ADH1A: variants seen among roughly 807,000 people sequenced by gnomAD.
The protein encoded by ADH1A is alcohol dehydrogenase 1A.
Under a neutral mutation model 35.2 loss-of-function variants are expected in ADH1A, and 29 were observed. That is an observed-to-expected ratio of 0.82 (90% CI 0.61 to 1.12). The LOEUF (loss-of-function observed/expected upper bound fraction) is 1.12, where lower values mean the gene tolerates loss of function less well. Ranked by LOEUF, ADH1A falls within the 50% of genes most tolerant of loss-of-function variation. The pLI, the probability that ADH1A is intolerant of heterozygous loss-of-function variation, is 0.00. For missense variants in ADH1A, 469 were observed against 464.7 expected, an observed-to-expected ratio of 1.01 and a Z score of -0.09; for synonymous variants, 147 against 164.8, an observed-to-expected ratio of 0.89 and a Z score of 0.83.
intron 6 of ADH1A, among the ~76,000 whole-genome samples, chr4:99,280,934 G>T (rs1732988278): frequency 6.6e-6 from 1 of 152,154 alleles, no homozygotes; most frequent in African/African-American, 2.4e-5. Flanking sequence ...TCTATAGTTA[G>T]AAAATGGTTT....
intron 8 of ADH1A, 139 bp from the exon 9 acceptor site, chr4:99,276,787 G>A: frequency 1.3e-6 from 1 of 770,500 alleles, no homozygotes; most frequent in Non-Finnish European, 2.2e-6. Flanking sequence ...TTCGGGTCAA[G>A]TGAAGTCAAA....
chr4:99,290,181 CA>C (rs1166541843), intron 1 of ADH1A, among the ~76,000 whole-genome samples: 1 of 152,098 alleles, frequency 6.6e-6, no homozygotes, highest in Non-Finnish European at 1.5e-5. Flanking sequence ...TTATGGAAGG[CA>C]AAACCAAATA....
chr4:99,282,102 G>A, intron 6 of ADH1A: 1 of 654,132 alleles, frequency 1.5e-6, no homozygotes, highest in Admixed American at 3.1e-5. Context: ...TTATCACTCA[G>A]TTAAGAAAAA....
chr4:99,280,483 A>G (rs1732975486), intron 6 of ADH1A, among the ~76,000 whole-genome samples: 1 of 152,212 alleles, frequency 6.6e-6, no homozygotes, highest in Admixed American at 6.5e-5. Flanking sequence ...TTAATGAAAG[A>G]ATGGATGAAT....
At chr4:99,287,230 TAAGTCTTA>T (rs1733174464) in intron 2 of ADH1A, among the ~76,000 whole-genome samples, 1 of 152,212 alleles carries the variant, frequency 6.6e-6, no homozygotes, top group Non-Finnish European at 1.5e-5. Flanking sequence ...CTGAAATAGT[TAAGTCTTA>T]AATAATATAA....
intron 1 of ADH1A, among the ~76,000 whole-genome samples, chr4:99,288,269 A>T (rs1212095866): frequency 6.6e-6 from 1 of 151,952 alleles, no homozygotes; most frequent in Admixed American, 6.6e-5. Flanking sequence ...CTGTACTGTT[A>T]TCTGATCTAT....
chr4:99,286,108 A>G (rs6835771), intron 3 of ADH1A, among the ~76,000 whole-genome samples: 5,399 of 152,068 alleles, frequency 0.036, 286 homozygotes, highest in African/African-American at 0.12. Flanking sequence ...CCACAAGACC[A>G]AGAAAAATGG....
In ADH1A at chr4:99,287,627, C is replaced by A; in HGVS notation, c.57G>T (p.Lys19Asn). Reference protein sequence around the residue: ...KCKAAVLWELKKPFSIEEVEV... With the variant: ...KCKAAVLWELNKPFSIEEVEV... ...CCACCTCCTCAATGGAAAAGGGTTTCTTTAACTCCCATAGCACAGCTGCTT... is the reference window on the plus strand; with the variant it reads ...CCACCTCCTCAATGGAAAAGGGTTTATTTAACTCCCATAGCACAGCTGCTT... Residue 19 changes from lysine to asparagine, a missense_variant, in exon 2 of 9, where the codon AAG becomes AAT. Lys to Asn is a moderately conservative substitution (Grantham distance 94, BLOSUM62 0). Transcript: ENST00000209668. 6.2e-7 allele frequency: 1 copy of A among 1,613,948 alleles called. No individual in the cohort carries two copies. The highest frequency in any genetic ancestry group is 8.5e-7 in the Non-Finnish European group (1 of 1,179,894).
At chr4:99,278,752 C>T (rs1402029703) in intron 8 of ADH1A, among the ~76,000 whole-genome samples, 4 of 151,984 alleles carry the variant, frequency 2.6e-5, no homozygotes, top group African/African-American at 9.7e-5. Context: ...ATGCAGGTGA[C>T]AAAATTCATT....
Position 99,279,408 on chromosome 4 carries a change from A to C in ADH1A, c.1103+18T>G. On this transcript the variant is annotated intron_variant, in intron 8 of 8. Transcript: ENST00000209668. ...GGTAGAAAAAAAAGCAAAACAGAAAACTAACTAAAAAATCTACCTTTTCCC... is the reference window on the plus strand; with the variant it reads ...GGTAGAAAAAAAAGCAAAACAGAAACCTAACTAAAAAATCTACCTTTTCCC... 6.3e-7 allele frequency: 1 copy of C among 1,583,530 alleles called. No homozygotes were observed. Among genetic ancestry groups the C allele is most frequent in the Non-Finnish European group, 8.5e-7 (1 of 1,171,448 alleles).
chr4:99,286,683 C>A (rs972299890), intron 3 of ADH1A, 167 bp downstream of exon 3: 2 of 1,171,334 alleles, frequency 1.7e-6, no homozygotes, highest in Admixed American at 2.4e-5. Context: ...TAAAGACATA[C>A]ATGCTTGAGT....
At position 99,290,971 on chromosome 4, in the gene ADH1A, C is replaced by T; in HGVS notation, c.-57G>A. On this transcript the variant is annotated 5_prime_UTR_variant, in exon 1 of 9. Transcript: ENST00000209668. ...CTGGTGAGTCCTTGTGGATTTCTTCCCTGCTCAAGTGCATAAAGCAGGTGT... is the reference window on the plus strand; with the variant it reads ...CTGGTGAGTCCTTGTGGATTTCTTCTCTGCTCAAGTGCATAAAGCAGGTGT... The T allele has an allele frequency of 6.3e-7, 1 of 1,597,942 alleles. No homozygotes were observed. The highest frequency in any genetic ancestry group is 8.6e-7 in the Non-Finnish European group (1 of 1,165,568).
chr4:99,284,928 G>A, intron 3 of ADH1A, 125 bp from the exon 4 acceptor site: 1 of 870,452 alleles, frequency 1.1e-6, no homozygotes, highest in Non-Finnish European at 1.8e-6. Flanking sequence ...AAGAAATACA[G>A]TCCAATCACA....
chr4:99,280,657 T>C (rs1732980863), intron 6 of ADH1A, among the ~76,000 whole-genome samples: 2 of 152,188 alleles, frequency 1.3e-5, no homozygotes, highest in African/African-American at 2.4e-5. Context: ...ATTTATTACA[T>C]AGGTATTTTG....
At chr4:99,284,190 T>A (rs1436872878) in intron 5 of ADH1A, among the ~76,000 whole-genome samples, 1 of 152,218 alleles carries the variant, frequency 6.6e-6, no homozygotes, top group Non-Finnish European at 1.5e-5. Context: ...ATGAAATCTT[T>A]ACATTTTCTA....
chr4:99,284,466 A>T lies in ADH1A; in HGVS notation c.500T>A (p.Leu167Gln). Reference protein sequence around the residue: ...AVAKIDAASPLEKVCLIGCGF... With the variant: ...AVAKIDAASPQEKVCLIGCGF... Reference sequence around the variant, plus strand: ...ACAGCCAATGAGACAGACTTTCTCTAGAGGCGAGGCTGCATCAATTTTGGC... The same window carrying T: ...ACAGCCAATGAGACAGACTTTCTCTTGAGGCGAGGCTGCATCAATTTTGGC... The change falls in exon 5 of 9, where the codon CTA becomes CAA. Residue 167 changes from leucine to glutamine, a missense_variant. Coordinates refer to ENST00000209668, the MANE Select transcript of ADH1A (RefSeq NM_000667.4). 1 of 1,614,154 alleles carries T rather than the reference A, an allele frequency of 6.2e-7. No individual in the cohort carries two copies. Among genetic ancestry groups the T allele is most frequent in the Non-Finnish European group, 8.5e-7 (1 of 1,179,998 alleles).
At chr4:99,287,724 G>A (rs1185256187) in intron 1 of ADH1A, 59 bp from the exon 2 acceptor site, 4 of 1,580,508 alleles carry the variant, frequency 2.5e-6, no homozygotes, top group Non-Finnish European at 3.5e-6. Context: ...GTCAGATATT[G>A]TGTCATTTCA....
Position 99,279,554 on chromosome 4 carries a change from A to G in ADH1A, c.975T>C (p.Ser325=), listed in dbSNP as rs745495174. 2 of 1,609,428 alleles carry G rather than the reference A, an allele frequency of 1.2e-6. No homozygotes were observed. The highest frequency in any genetic ancestry group is 8.5e-7 in the Non-Finnish European group (1 of 1,178,642). The change falls in exon 8 of 9, where the codon AGT becomes AGC. Residue 325 remains serine (S), a synonymous_variant. Coordinates refer to ENST00000209668, the MANE Select transcript of ADH1A (RefSeq NM_000667.4). ...WKGAILGGFK[S]KECVPKLVAD... ...CCACAAGTTTTGGGACACATTCTTT[A>G]CTTTTAAAGCCTGAAAAGAAGATGG...
chr4:99,280,059 CT>C, intron 7 of ADH1A, 84 bp downstream of exon 7: 1 of 1,566,394 alleles, frequency 6.4e-7, no homozygotes, highest in East Asian at 2.2e-5. Context: ...TTTTGATCTG[CT>C]TTTCAAAACC....
Sources: gnomAD v4.1 joint callset for allele counts (sites outside exome capture counted in the v4.1 genomes callset) on GRCh38, gnomAD v4.1.1 for gene constraint, MANE v1.5 for transcripts, NCBI Gene and HGNC (gene_info 2026-07-23, HGNC 2026-07-21) for gene names.